RORA: variants seen among roughly 807,000 people sequenced by gnomAD.
RORA encodes nuclear receptor ROR-alpha.
Under a neutral mutation model 69.5 loss-of-function variants are expected in RORA, and 7 were observed. The ratio of observed to expected loss-of-function variants is 0.10; its 90% CI spans 0.06 to 0.19. RORA has a LOEUF of 0.19. Among genes scored for constraint, RORA ranks in the 10% least tolerant of loss-of-function variants. RORA has a pLI of 1.00. For missense variants in RORA, 457 were observed against 663.0 expected, an observed-to-expected ratio of 0.69 and a Z score of 3.41; for synonymous variants, 261 against 240.8, an observed-to-expected ratio of 1.08 and a Z score of -0.78.
chr15:60,639,459 C>G (rs992851904), intron 2 of RORA, among the ~76,000 whole-genome samples: 3 of 152,102 alleles, frequency 2.0e-5, no homozygotes, highest in Admixed American at 6.6e-5. Flanking sequence ...TGTCAAGTCT[C>G]TGCTCTACAG....
At chr15:60,580,953 AT>A (rs1279875976) in intron 2 of RORA, among the ~76,000 whole-genome samples, 1 of 152,224 alleles carries the variant, frequency 6.6e-6, no homozygotes, top group East Asian at 1.9e-4. Context: ...ATGTTTTCAC[AT>A]TCCTGCTGAT....
chr15:61,037,183 T>C (rs1242376991), intron 1 of RORA, among the ~76,000 whole-genome samples: 1 of 152,160 alleles, frequency 6.6e-6, no homozygotes, highest in Non-Finnish European at 1.5e-5. Context: ...TGTGTAAGAA[T>C]TGAAAAATAT....
intron 1 of RORA, among the ~76,000 whole-genome samples, chr15:60,819,763 A>ACACACACACACACACACACACG (rs2072866390): frequency 1.4e-5 from 2 of 140,806 alleles, no homozygotes; most frequent in African/African-American, 5.0e-5. Context: ...ACACACACAC[A>ACACACACACACACACACACACG]CACACACACA....
intron 1 of RORA, among the ~76,000 whole-genome samples, chr15:61,209,788 G>T: frequency 6.6e-6 from 1 of 152,166 alleles, no homozygotes; most frequent in Non-Finnish European, 1.5e-5. Context: ...TCAGGAACTC[G>T]ATCAGGGGTT....
intron 1 of RORA, among the ~76,000 whole-genome samples, chr15:61,135,495 G>C (rs1205673689): frequency 7.1e-6 from 1 of 141,114 alleles, no homozygotes; most frequent in Non-Finnish European, 1.5e-5. Flanking sequence ...CAAAGTGTTA[G>C]AATAATATCT....
chr15:60,850,960 T>G (rs532218994), intron 1 of RORA, among the ~76,000 whole-genome samples: 1 of 152,316 alleles, frequency 6.6e-6, no homozygotes, highest in Non-Finnish European at 1.5e-5. Context: ...GGCCATTATT[T>G]TCATTCTTTT....
At chr15:61,022,588 G>A (rs1595884888) in intron 1 of RORA, among the ~76,000 whole-genome samples, 1 of 152,088 alleles carries the variant, frequency 6.6e-6, no homozygotes, top group Non-Finnish European at 1.5e-5. Flanking sequence ...CTGGGATGGG[G>A]TCATATTCAG....
intron 1 of RORA, among the ~76,000 whole-genome samples, chr15:61,209,600 G>T (rs1029666012): frequency 6.6e-6 from 1 of 152,192 alleles, no homozygotes; most frequent in African/African-American, 2.4e-5. Flanking sequence ...AGAAGGTGGG[G>T]CCTCTAGAAA....
At chr15:60,777,642 A>T (rs2072190248) in intron 1 of RORA, among the ~76,000 whole-genome samples, 1 of 152,118 alleles carries the variant, frequency 6.6e-6, no homozygotes, top group Admixed American at 6.5e-5. Context: ...GATGGATTAC[A>T]CCTTCATTTT....
chr15:61,075,656 G>A (rs970530187), intron 1 of RORA, among the ~76,000 whole-genome samples: 14 of 152,126 alleles, frequency 9.2e-5, no homozygotes, highest in African/African-American at 3.4e-4. Flanking sequence ...GAAAACTCAG[G>A]TCCATCTGAG....
intron 1 of RORA, among the ~76,000 whole-genome samples, chr15:61,053,303 A>T (rs1489087471): frequency 4.0e-5 from 6 of 150,288 alleles, no homozygotes; most frequent in African/African-American, 1.5e-4. Flanking sequence ...TTTGCCCCCC[A>T]ACACCCACCC....
intron 1 of RORA, among the ~76,000 whole-genome samples, chr15:60,771,428 C>T (rs1193124886): frequency 1.3e-5 from 2 of 152,176 alleles, no homozygotes; most frequent in South Asian, 2.1e-4. Context: ...TGTATTCTTT[C>T]CAAGAGGACA....
intron 1 of RORA, among the ~76,000 whole-genome samples, chr15:60,720,191 A>G (rs2071274224): frequency 6.6e-6 from 1 of 152,194 alleles, no homozygotes; most frequent in Non-Finnish European, 1.5e-5. Context: ...ACATAGGATC[A>G]GCATCTCACA....
intron 5 of RORA, among the ~76,000 whole-genome samples, chr15:60,508,537 A>G (rs2065589112): frequency 6.6e-6 from 1 of 152,208 alleles, no homozygotes; most frequent in Non-Finnish European, 1.5e-5. Flanking sequence ...TCCTTATAAC[A>G]ACCCCAAGAG....
At chr15:60,651,702 C>T (rs2070144974) in intron 2 of RORA, among the ~76,000 whole-genome samples, 1 of 152,196 alleles carries the variant, frequency 6.6e-6, no homozygotes. Flanking sequence ...GCTTTCTGCA[C>T]CCTCCTTCAG....
intron 2 of RORA, among the ~76,000 whole-genome samples, chr15:60,554,234 G>A (rs1021866784): frequency 1.3e-5 from 2 of 152,068 alleles, no homozygotes; most frequent in Admixed American, 6.6e-5. Context: ...ACAGGGCCTG[G>A]GGTACAGGAT....
chr15:61,073,543 C>T (rs1399564236), intron 1 of RORA, among the ~76,000 whole-genome samples: 1 of 152,148 alleles, frequency 6.6e-6, no homozygotes, highest in Admixed American at 6.5e-5. Context: ...GACTTGCCTC[C>T]ACCTAAGGGA....
At chr15:61,079,259 T>A (rs2078501074) in intron 1 of RORA, among the ~76,000 whole-genome samples, 1 of 152,220 alleles carries the variant, frequency 6.6e-6, no homozygotes, top group Admixed American at 6.5e-5. Flanking sequence ...AATTCTCATA[T>A]AAAAGGTACT....
At chr15:60,602,302 C>T (rs1474673329) in intron 2 of RORA, among the ~76,000 whole-genome samples, 1 of 152,172 alleles carries the variant, frequency 6.6e-6, no homozygotes, top group Non-Finnish European at 1.5e-5. Context: ...TGACAGTTGC[C>T]TATCATTAAA....
Sources: allele counts gnomAD v4.1 joint callset (sites outside exome capture counted in the v4.1 genomes callset), GRCh38; gene constraint gnomAD v4.1.1; transcripts MANE v1.5; gene names NCBI Gene and HGNC (gene_info 2026-07-23, HGNC 2026-07-21).